Variants in KCNMB2 observed in about 807,000 individuals in gnomAD.
KCNMB2 encodes potassium calcium-activated channel subfamily M regulatory beta subunit 2, also known as calcium-activated potassium channel subunit beta-2.
A neutral mutation model predicts 24.5 loss-of-function variants in KCNMB2; 9 were observed. The observed-to-expected ratio is 0.37, with a 90% CI of 0.22 to 0.64. The LOEUF (loss-of-function observed/expected upper bound fraction) is 0.64. Ranked by LOEUF, KCNMB2 falls within the 30% of genes least tolerant of loss-of-function variation. KCNMB2 has a pLI of 0.63. For synonymous variants in KCNMB2, 109 were observed against 104.4 expected (o/e 1.04, Z -0.27); for missense variants, 226 against 284.3 (o/e 0.79, Z 1.47).
At chr3:178,572,827 A>G (rs1716852554) in intron 1 of KCNMB2, among the ~76,000 whole-genome samples, 3 of 152,230 alleles carry the variant, frequency 2.0e-5, no homozygotes, top group African/African-American at 7.2e-5. Flanking sequence ...TTATGACTTT[A>G]AAGAATAAAA....
At chr3:178,677,522 T>C (rs1227976852) in intron 1 of KCNMB2, among the ~76,000 whole-genome samples, 3 of 152,210 alleles carry the variant, frequency 2.0e-5, no homozygotes, top group Non-Finnish European at 4.4e-5. Context: ...TCCAGCCACC[T>C]TCCCCTGCTG....
At chr3:178,654,774 G>A (rs536676498) in intron 1 of KCNMB2, among the ~76,000 whole-genome samples, 3 of 152,260 alleles carry the variant, frequency 2.0e-5, no homozygotes, top group Admixed American at 6.5e-5. Context: ...CTAGCAAAAC[G>A]TAAGGTGGAG....
chr3:178,764,052 A>C (rs1259284605), intron 1 of KCNMB2, among the ~76,000 whole-genome samples: 1 of 152,210 alleles, frequency 6.6e-6, no homozygotes, highest in Admixed American at 6.5e-5. Context: ...TTAGATGATA[A>C]ATGAAGGACC....
At chr3:178,829,684 T>C (rs1186790168) in intron 4 of KCNMB2, among the ~76,000 whole-genome samples, 2 of 152,196 alleles carry the variant, frequency 1.3e-5, no homozygotes, top group Non-Finnish European at 2.9e-5. Context: ...ATAAAACTCT[T>C]AAACCTGAAT....
At chr3:178,807,179 A>C (rs1165270676) in intron 1 of KCNMB2, among the ~76,000 whole-genome samples, 164 bp from the exon 2 acceptor site, 2 of 152,234 alleles carry the variant, frequency 1.3e-5, no homozygotes, top group African/African-American at 4.8e-5. Context: ...AATTTCTGAG[A>C]GAGGACCAGG....
intron 1 of KCNMB2, among the ~76,000 whole-genome samples, chr3:178,790,572 T>C (rs75923285): frequency 0.012 from 1,881 of 152,276 alleles, 40 homozygotes; most frequent in African/African-American, 0.043. Flanking sequence ...CTGGGTTCAC[T>C]ATCTGCTGCC....
chr3:178,778,644 A>G (rs1712697147), intron 1 of KCNMB2, among the ~76,000 whole-genome samples: 1 of 152,116 alleles, frequency 6.6e-6, no homozygotes, highest in South Asian at 2.1e-4. Context: ...TTGAATTTGC[A>G]TATAATATTT....
At chr3:178,810,612 T>C (rs1452202479) in intron 2 of KCNMB2, among the ~76,000 whole-genome samples, 1 of 152,242 alleles carries the variant, frequency 6.6e-6, no homozygotes, top group Non-Finnish European at 1.5e-5. Flanking sequence ...TCTGATCATC[T>C]TCTATATACA....
chr3:178,807,507 A>G, intron 2 of KCNMB2, 42 bp downstream of exon 2: 1 of 1,528,640 alleles, frequency 6.5e-7, no homozygotes. Context: ...GAAGCATTTA[A>G]CCTGACTCTC....
At chr3:178,759,428 C>A (rs1227041312) in intron 1 of KCNMB2, among the ~76,000 whole-genome samples, 3 of 10,164 alleles carry the variant, frequency 3.0e-4, no homozygotes, top group Admixed American at 1.5e-3. Context: ...TATATCTCTC[C>A]AAGAGGATAT....
intron 4 of KCNMB2, among the ~76,000 whole-genome samples, chr3:178,837,317 CA>C (rs1240860723): frequency 6.6e-6 from 1 of 151,748 alleles, no homozygotes; most frequent in Admixed American, 6.6e-5. Context: ...TTAATCCTCA[CA>C]AAAAAAACCC....
intron 1 of KCNMB2, among the ~76,000 whole-genome samples, chr3:178,600,461 T>G (rs567958333): frequency 6.6e-6 from 1 of 152,196 alleles, no homozygotes; most frequent in Non-Finnish European, 1.5e-5. Context: ...AATAACTCTG[T>G]TTTTAATTTT....
At chr3:178,664,101 TC>T (rs1171757704) in intron 1 of KCNMB2, among the ~76,000 whole-genome samples, 7 of 152,240 alleles carry the variant, frequency 4.6e-5, no homozygotes, top group African/African-American at 1.4e-4. Context: ...CACTTTTACC[TC>T]CTGATGGTTA....
chr3:178,602,448 G>A (rs997152507), intron 1 of KCNMB2, among the ~76,000 whole-genome samples: 6 of 152,026 alleles, frequency 3.9e-5, no homozygotes, highest in Non-Finnish European at 7.4e-5. Context: ...CCTAGAAAAT[G>A]TGACAGACAA....
At chr3:178,607,768 T>C (rs1718328264) in intron 1 of KCNMB2, among the ~76,000 whole-genome samples, 1 of 152,110 alleles carries the variant, frequency 6.6e-6, no homozygotes, top group Admixed American at 6.6e-5. Flanking sequence ...AGCTACTGAG[T>C]ATCTAACATA....
intron 1 of KCNMB2, among the ~76,000 whole-genome samples, chr3:178,772,231 TATG>T (rs1170951763): frequency 2.0e-5 from 3 of 152,232 alleles, no homozygotes; most frequent in African/African-American, 7.2e-5. Context: ...GCTTGAACCA[TATG>T]ACACTGCCTT....
intron 1 of KCNMB2, among the ~76,000 whole-genome samples, chr3:178,602,884 A>G (rs749170508): frequency 1.3e-5 from 2 of 152,208 alleles, no homozygotes; most frequent in Non-Finnish European, 2.9e-5. Flanking sequence ...ACACAGATGC[A>G]GCTGGTCTGG....
chr3:178,581,170 G>C (rs972419406), intron 1 of KCNMB2, among the ~76,000 whole-genome samples: 6 of 151,972 alleles, frequency 3.9e-5, no homozygotes, highest in Non-Finnish European at 5.9e-5. Flanking sequence ...AAAACAGAGA[G>C]ATAGACCAAT....
At chr3:178,552,594 T>C (rs1715994063) in intron 1 of KCNMB2, among the ~76,000 whole-genome samples, 1 of 152,240 alleles carries the variant, frequency 6.6e-6, no homozygotes, top group South Asian at 2.1e-4. Flanking sequence ...GCTGCTTTTC[T>C]ATAAAATCAC....
Sources: gnomAD v4.1 joint callset for allele counts (sites outside exome capture counted in the v4.1 genomes callset) on GRCh38, gnomAD v4.1.1 for gene constraint, MANE v1.5 for transcripts, NCBI Gene and HGNC (gene_info 2026-07-23, HGNC 2026-07-21) for gene names.